Variants in AP3B2 observed in about 807,000 individuals in gnomAD.
AP3B2 encodes adaptor related protein complex 3 subunit beta 2.
Under a neutral mutation model 126.9 loss-of-function variants are expected in AP3B2, and 50 were observed. That is an observed-to-expected ratio of 0.39 (90% CI 0.31 to 0.50). The LOEUF (loss-of-function observed/expected upper bound fraction) is 0.50, where lower values mean the gene tolerates loss of function less well. Among genes scored for constraint, AP3B2 ranks in the 20% least tolerant of loss-of-function variants. The pLI is 0.79. For synonymous variants in AP3B2, 541 were observed against 565.0 expected (o/e 0.96, Z 0.60); for missense variants, 1,177 against 1,426.4 (o/e 0.83, Z 2.82).
chr15:82,690,229 TACTTTTTTTTTTCAATTACTAA>T (rs540154643), intron 1 of AP3B2, among the ~76,000 whole-genome samples: 2,690 of 152,174 alleles, frequency 0.018, 28 homozygotes, highest in Non-Finnish European at 0.026. Flanking sequence ...CCAATTGTTG[TACTTTTTTTTTTCAATTACTAA>T]ACTTTTTTTT....
chr15:82,688,145 T>TTAA, intron 4 of AP3B2: 1 of 372,368 alleles, frequency 2.7e-6, no homozygotes, highest in African/African-American at 2.1e-5. Flanking sequence ...AATAGAGGAG[T>TTAA]TAATGGTTGT....
chr15:82,664,744 A>C lies in AP3B2; in HGVS notation c.2137+91T>G. The C allele has an allele frequency of 9.2e-7, 1 of 1,082,406 alleles. No homozygotes were observed. Among genetic ancestry groups the C allele is most frequent in the Non-Finnish European group, 1.3e-6 (1 of 742,524 alleles). 67.1% of individuals were successfully genotyped at this position (1,082,406 alleles called of 1,614,324 possible). A position where few individuals can be genotyped will look rare whatever the true frequency, so the allele number is the denominator to read the frequency against. ...TTCACAAGCAGGTGCACACCCCTAG[A>C]CACACAACCATATACATATACCCCT... On this transcript the variant is annotated intron_variant, in intron 18 of 26. Transcript: ENST00000535359. The surrounding 1 kb of genome is among the most constrained non-coding windows in gnomAD (Gnocchi z 4.5).
rs145664533 is a variant in AP3B2 at position 82,682,419 on chromosome 15, A to G, written c.361-839T>C. On this transcript the variant is annotated intron_variant, in intron 4 of 26. Transcript: ENST00000535359. The stretch of plus-strand genomic sequence containing the variant: ...CGTATAAAAGCATTCCTTACACTGT[A>G]TTGTGATCATGGGGCTTAGGACTGT... Among the ~76,000 whole-genome samples, 3 of 152,192 alleles carry G rather than the reference A, an allele frequency of 2.0e-5. No homozygotes were observed. In the East Asian group the frequency reaches 5.8e-4, roughly 29 times the overall value.
At chr15:82,673,554 T>TG (rs1567261895) in intron 14 of AP3B2, among the ~76,000 whole-genome samples, 1 of 151,692 alleles carries the variant, frequency 6.6e-6, no homozygotes, top group East Asian at 1.9e-4. Context: ...GAAATGTGAA[T>TG]GGGGAAAAAA....
chr15:82,670,083 A>T (rs1415135296), intron 14 of AP3B2, among the ~76,000 whole-genome samples: 1 of 139,438 alleles, frequency 7.2e-6, no homozygotes, highest in African/African-American at 2.6e-5. Flanking sequence ...AAAAAAAAAA[A>T]AAAAAAAAAT....
chr15:82,677,923 G>T (rs1359392246), intron 11 of AP3B2, 120 bp from the exon 12 acceptor site: 12 of 1,377,206 alleles, frequency 8.7e-6, no homozygotes, highest in Non-Finnish European at 9.7e-6. Context: ...TGGGAAAGGG[G>T]GTGACAACTC....
intron 23 of AP3B2, 104 bp downstream of exon 23, chr15:82,662,590 T>C: frequency 9.1e-7 from 1 of 1,097,730 alleles, no homozygotes; most frequent in South Asian, 1.5e-5. Context: ...TCTGTGCCCC[T>C]ATAGCTTGGC....
At chr15:82,662,618 G>A (rs2047971907) in intron 23 of AP3B2, 76 bp downstream of exon 23, 3 of 1,389,248 alleles carry the variant, frequency 2.2e-6, no homozygotes, top group African/African-American at 2.9e-5. Flanking sequence ...CTGGCACAAG[G>A]AGGGTATCAG....
chr15:82,662,652 C>T (rs748122157), intron 23 of AP3B2, 42 bp downstream of exon 23: 4 of 1,549,590 alleles, frequency 2.6e-6, no homozygotes, highest in Non-Finnish European at 3.5e-6. Flanking sequence ...ACTGACTCTG[C>T]CCAGGAGCCT....
Position 82,680,033 on chromosome 15 carries a change from C to T in AP3B2, c.1110+142G>A, listed in dbSNP as rs887492241. 2 of 1,231,254 alleles carry T rather than the reference C, an allele frequency of 1.6e-6. No homozygotes were observed. The highest frequency in any genetic ancestry group is 2.3e-6 in the Non-Finnish European group (2 of 880,888). 76.3% of individuals were successfully genotyped at this position (1,231,254 alleles called of 1,614,324 possible). The stretch of plus-strand genomic sequence containing the variant: ...CCCTGCTCCCTATCTGTATTTGGAG[C>T]CTCCCCTGCCCCATCCTCTGCACAG... On this transcript the variant is annotated intron_variant, in intron 9 of 26. Coordinates refer to ENST00000535359, the MANE Select transcript of AP3B2 (RefSeq NM_001278512.2). The surrounding 1 kb of genome is among the most constrained non-coding windows in gnomAD (Gnocchi z 6.1).
chr15:82,672,616 G>A (rs976108742), intron 14 of AP3B2, among the ~76,000 whole-genome samples: 20 of 152,058 alleles, frequency 1.3e-4, no homozygotes, highest in Admixed American at 1.3e-3. Flanking sequence ...AGTGTAATTT[G>A]ATTGTTTGTA....
At chr15:82,661,324 C>T (rs1005425531) in intron 25 of AP3B2, among the ~76,000 whole-genome samples, 3 of 152,164 alleles carry the variant, frequency 2.0e-5, no homozygotes, top group African/African-American at 4.8e-5. Flanking sequence ...ATTTCAAAAT[C>T]AGCTTATCCA....
rs571855037 is a variant in AP3B2 at position 82,664,564 on chromosome 15, C to T, written c.2138-74G>A. The T allele has an allele frequency of 1.5e-3, 2,250 of 1,544,260 alleles. 3 individuals are homozygous for T. The highest frequency in any genetic ancestry group is 1.8e-3 in the Non-Finnish European group (2,093 of 1,144,324). The stretch of plus-strand genomic sequence containing the variant: ...GGGTCTGGAGCAGACACCTGGGTTC[C>T]ACCTTCACATTCAGTACTGAACCCT... On this transcript the variant is annotated intron_variant, in intron 18 of 26. Transcript: ENST00000535359. This position sits in a 1 kb window ranked among gnomAD's most constrained non-coding sequence, Gnocchi z 4.5.
intron 1 of AP3B2, among the ~76,000 whole-genome samples, chr15:82,690,619 T>C (rs1425272613): frequency 6.6e-6 from 1 of 151,446 alleles, no homozygotes; most frequent in Non-Finnish European, 1.5e-5. Flanking sequence ...TTCCATGGTG[T>C]ATATGTGCCA....
At position 82,662,796 on chromosome 15, in the gene AP3B2, G is replaced by T; in HGVS notation, c.2731C>A (p.His911Asn). ...FSGDPHMVSV[H>N]IHFSNSSDTP... ...TCAGAGCTGTTGGAGAAGTGGATGT[G>T]CACGGACACCATGTGGGGATCCCCG... The change falls in exon 23 of 27, where the codon CAC becomes AAC. Residue 911 changes from histidine (H) to asparagine (N), a missense_variant. By Grantham distance (68) the His-to-Asn change is moderately conservative. Around this residue, in one of 5 missense-constraint regions of AP3B2, gnomAD observed 587 missense variants for 571.3 expected, o/e 1.03. Coordinates refer to ENST00000535359, the MANE Select transcript of AP3B2 (RefSeq NM_001278512.2). The T allele has an allele frequency of 6.2e-7, 1 of 1,613,834 alleles. No homozygotes were observed. Among genetic ancestry groups the T allele is most frequent in the East Asian group, 2.2e-5 (1 of 44,888 alleles).
At chr15:82,662,097 ATTTCCAGTTCATTGTTACCCTGTCCC>A in intron 24 of AP3B2, 45 bp downstream of exon 24, 1 of 1,455,366 alleles carries the variant, frequency 6.9e-7, no homozygotes, top group South Asian at 1.2e-5. Context: ...CACCACCTCC[ATTTCCAGTTCATTGTTACCCTGTCCC>A]TTTCCAGCCC....
intron 1 of AP3B2, among the ~76,000 whole-genome samples, chr15:82,698,604 T>C (rs2048667231): frequency 6.6e-6 from 1 of 152,096 alleles, no homozygotes; most frequent in Non-Finnish European, 1.5e-5. Flanking sequence ...AGATTTTTGA[T>C]GATAAATGTA....
At chr15:82,708,177 C>G (rs895925399) in intron 1 of AP3B2, among the ~76,000 whole-genome samples, 2 of 152,126 alleles carry the variant, frequency 1.3e-5, no homozygotes, top group African/African-American at 4.8e-5. Context: ...CTGGCTCATC[C>G]TGGCTCAAAA....
chr15:82,691,959 T>C, intron 1 of AP3B2: 1 of 1,422,976 alleles, frequency 7.0e-7, no homozygotes, highest in Non-Finnish European at 9.9e-7. Flanking sequence ...ACACCGTCCT[T>C]CTGCACATCG....
Sources: allele counts gnomAD v4.1 joint callset (sites outside exome capture counted in the v4.1 genomes callset), GRCh38; gene constraint gnomAD v4.1.1; regional missense constraint gnomAD v4.1.1; non-coding constraint Gnocchi (gnomAD v3.1); transcripts MANE v1.5; gene names NCBI Gene and HGNC (gene_info 2026-07-23, HGNC 2026-07-21).